Variants in MYO3A observed in about 807,000 individuals in gnomAD.
The protein encoded by MYO3A is myosin IIIA.
MYO3A carries 180 observed loss-of-function variants against 192.7 expected under a neutral mutation model. That is an observed-to-expected ratio of 0.93 (90% confidence interval 0.83 to 1.06). The LOEUF is 1.06. MYO3A is among the 50% of genes least tolerant of loss of function. The probability of loss-of-function intolerance (pLI) is 0.00; values close to 1 mark genes in which losing one functional copy is unlikely to be tolerated. For missense variants in MYO3A, 1,896 were observed against 1,905.0 expected (o/e 1.00, Z 0.09); for synonymous variants, 628 against 645.3 (o/e 0.97, Z 0.41).
chr10:25,960,715 A>G (rs1837872686), intron 4 of MYO3A, among the ~76,000 whole-genome samples: 2 of 152,258 alleles, frequency 1.3e-5, no homozygotes, highest in Admixed American at 6.5e-5. Context: ...AGGAGGAGGA[A>G]GAAAAGGAGA....
chr10:26,052,435 C>T (rs1366623805), intron 10 of MYO3A, among the ~76,000 whole-genome samples: 1 of 152,190 alleles, frequency 6.6e-6, no homozygotes, highest in Non-Finnish European at 1.5e-5. Flanking sequence ...TGCTATGGCT[C>T]ACCAGGCTGG....
At chr10:26,109,051 T>C (rs371363345) in intron 17 of MYO3A, among the ~76,000 whole-genome samples, 1 of 152,212 alleles carries the variant, frequency 6.6e-6, no homozygotes, top group Non-Finnish European at 1.5e-5. Context: ...CAAGAATACA[T>C]AGATTCAAAT....
chr10:26,154,072 T>C lies in MYO3A; in HGVS notation c.2715+143T>C, dbSNP rs1589046052. On this transcript the variant is annotated intron_variant, in intron 24 of 34. Coordinates refer to ENST00000642920, the MANE Select transcript of MYO3A (RefSeq NM_017433.5). Reference sequence around the variant, plus strand: ...GCTTTTCTGTTTGAACAGATATTTATGTTATGTTCTTGTTACTGCTAGGGG... The same window carrying C: ...GCTTTTCTGTTTGAACAGATATTTACGTTATGTTCTTGTTACTGCTAGGGG... 4 of 677,524 alleles carry C rather than the reference T, an allele frequency of 5.9e-6. No individual in the cohort carries two copies. The East Asian group carries it at 8.3e-5, about 14-fold the overall frequency. 42.0% of individuals were successfully genotyped at this position (677,524 alleles called of 1,614,324 possible). A position where few individuals can be genotyped will look rare whatever the true frequency, so the allele number is the denominator to read the frequency against.
At chr10:25,938,947 A>G (rs992256000) in intron 2 of MYO3A, among the ~76,000 whole-genome samples, 1 of 152,158 alleles carries the variant, frequency 6.6e-6, no homozygotes, top group Admixed American at 6.5e-5. Context: ...GTCATTACAT[A>G]TGAAGTATTA....
At chr10:26,131,546 A>G (rs1839538889) in intron 20 of MYO3A, among the ~76,000 whole-genome samples, 1 of 152,170 alleles carries the variant, frequency 6.6e-6, no homozygotes, top group Non-Finnish European at 1.5e-5. Context: ...GACAGTTACT[A>G]TATGCCTCAG....
At chr10:26,117,443 T>G (rs759763683) in intron 17 of MYO3A, among the ~76,000 whole-genome samples, 4 of 152,080 alleles carry the variant, frequency 2.6e-5, no homozygotes, top group Non-Finnish European at 5.9e-5. Flanking sequence ...TGGTACCCAT[T>G]AGTTATTTTT....
intron 2 of MYO3A, among the ~76,000 whole-genome samples, chr10:25,937,831 G>A: frequency 6.6e-6 from 1 of 152,164 alleles, no homozygotes. Context: ...TAAAACATTG[G>A]TTATGGCTCA....
chr10:26,019,498 A>G (rs980743230), intron 7 of MYO3A, among the ~76,000 whole-genome samples: 1 of 152,050 alleles, frequency 6.6e-6, no homozygotes, highest in Non-Finnish European at 1.5e-5. Flanking sequence ...TTATATTTTT[A>G]GTAGAGATGG....
chr10:26,188,562 T>G (rs1289386404), intron 31 of MYO3A, among the ~76,000 whole-genome samples: 3 of 152,202 alleles, frequency 2.0e-5, no homozygotes, highest in Non-Finnish European at 4.4e-5. Context: ...CATGAATTCC[T>G]TGCCCATGTA....
intron 23 of MYO3A, among the ~76,000 whole-genome samples, chr10:26,150,378 A>G (rs1840726770): frequency 6.6e-6 from 1 of 152,080 alleles, no homozygotes; most frequent in Non-Finnish European, 1.5e-5. Flanking sequence ...CCTTTTCTTC[A>G]ATTTTCAGGA....
At chr10:25,997,691 C>G (rs1244328022) in intron 6 of MYO3A, among the ~76,000 whole-genome samples, 5 of 152,184 alleles carry the variant, frequency 3.3e-5, no homozygotes, top group African/African-American at 9.7e-5. Flanking sequence ...AAGATGGTCT[C>G]TTTCTTCCTC....
chr10:26,112,081 C>A (rs1838219056), intron 17 of MYO3A, among the ~76,000 whole-genome samples: 1 of 152,194 alleles, frequency 6.6e-6, no homozygotes, highest in Non-Finnish European at 1.5e-5. Flanking sequence ...GGTTTAGTAA[C>A]ACTAATGTTT....
intron 26 of MYO3A, among the ~76,000 whole-genome samples, chr10:26,162,407 G>T (rs1250973174): frequency 6.6e-6 from 1 of 152,116 alleles, no homozygotes; most frequent in Admixed American, 6.5e-5. Context: ...TTCTTTGAGT[G>T]TACATCTATT....
intron 17 of MYO3A, among the ~76,000 whole-genome samples, chr10:26,113,477 A>AAC (rs1838316544): frequency 2.9e-5 from 1 of 34,218 alleles, no homozygotes; most frequent in Non-Finnish European, 8.0e-5. Context: ...TCAAAAAAAC[A>AAC]AAAAAAAAAA....
At chr10:26,033,062 C>CTTATT (rs566589327) in intron 10 of MYO3A, among the ~76,000 whole-genome samples, 91 of 152,030 alleles carry the variant, frequency 6.0e-4, no homozygotes, top group Admixed American at 2.2e-3. Flanking sequence ...TCTTTGTTCC[C>CTTATT]TTATTTTATT....
At chr10:26,103,611 G>C (rs561838780) in intron 17 of MYO3A, among the ~76,000 whole-genome samples, 45 of 152,298 alleles carry the variant, frequency 3.0e-4, no homozygotes, top group Non-Finnish European at 5.6e-4. Flanking sequence ...CATTTGGGTT[G>C]TTTTTGCTTT....
At chr10:25,994,400 C>T (rs11814061) in intron 4 of MYO3A, among the ~76,000 whole-genome samples, 14,606 of 152,150 alleles carry the variant, frequency 0.096, 1,245 homozygotes, top group African/African-American at 0.22. Flanking sequence ...TTTGAGCCTA[C>T]GTGCGTCTCT....
At chr10:26,048,482 G>T (rs1352957243) in intron 10 of MYO3A, among the ~76,000 whole-genome samples, 1 of 151,776 alleles carries the variant, frequency 6.6e-6, no homozygotes, top group Non-Finnish European at 1.5e-5. Context: ...AAATTGAAAT[G>T]GAATATTATT....
chr10:26,117,011 G>C (rs1838547847), intron 17 of MYO3A, among the ~76,000 whole-genome samples: 1 of 152,228 alleles, frequency 6.6e-6, no homozygotes. Flanking sequence ...GGAACCCCAA[G>C]ATGTACCTTT....
Sources: gnomAD v4.1 joint callset for allele counts (sites outside exome capture counted in the v4.1 genomes callset) on GRCh38, gnomAD v4.1.1 for gene constraint, MANE v1.5 for transcripts, NCBI Gene and HGNC (gene_info 2026-07-23, HGNC 2026-07-21) for gene names.